The following KCNIP4 variants were observed in gnomAD, a reference collection of about 807,000 sequenced individuals.
KCNIP4 encodes Kv channel-interacting protein 4.
Under a neutral mutation model 34.0 loss-of-function variants are expected in KCNIP4, and 12 were observed. That is an observed-to-expected ratio of 0.35 (90% CI 0.23 to 0.57). The LOEUF is 0.57. Among genes scored for constraint, KCNIP4 ranks in the 20% least tolerant of loss-of-function variants. The probability of loss-of-function intolerance (pLI) is 0.83; values close to 1 mark genes in which losing one functional copy is unlikely to be tolerated. For synonymous variants in KCNIP4, 124 were observed against 102.2 expected (o/e 1.21, Z -1.29); for missense variants, 238 against 311.7 (o/e 0.76, Z 1.78).
chr4:20,872,968 C>T (rs1383892460), intron 2 of KCNIP4, among the ~76,000 whole-genome samples: 1 of 151,668 alleles, frequency 6.6e-6, no homozygotes, highest in Non-Finnish European at 1.5e-5. Context: ...ATGGCCTTCC[C>T]TCTATGTTCC....
rs114857302 is a variant in KCNIP4, at chr4:21,175,523, A to G, written c.62-292814T>C. ...ATACGATTTTTTTCCTTAACTAGAC[A>G]ACTTTCACCTTTTCACCCAAAGGAA... On this transcript the variant is annotated intron_variant, in intron 1 of 8. Transcript: ENST00000382152. Among the ~76,000 whole-genome samples, 895 of 152,296 alleles carry G rather than the reference A, an allele frequency of 5.9e-3. 15 individuals carry two copies. Among genetic ancestry groups the G allele is most frequent in the African/African-American group, 0.021 (855 of 41,566 alleles).
intron 1 of KCNIP4, among the ~76,000 whole-genome samples, chr4:21,937,956 G>C (rs1457017756): frequency 6.6e-6 from 1 of 152,074 alleles, no homozygotes; most frequent in African/African-American, 2.4e-5. Flanking sequence ...TCTATCAGTA[G>C]TTTTCATACT....
At chr4:21,070,991 A>C (rs1261349548) in intron 1 of KCNIP4, among the ~76,000 whole-genome samples, 1 of 152,000 alleles carries the variant, frequency 6.6e-6, no homozygotes, top group Non-Finnish European at 1.5e-5. Context: ...GTGAGTTTTT[A>C]AATACATTCT....
intron 1 of KCNIP4, among the ~76,000 whole-genome samples, chr4:20,979,039 T>A (rs1270407387): frequency 6.6e-6 from 1 of 152,154 alleles, no homozygotes; most frequent in Non-Finnish European, 1.5e-5. Context: ...TTTTTCAAAA[T>A]AAAAAGTTTA....
intron 1 of KCNIP4, among the ~76,000 whole-genome samples, chr4:21,118,423 T>A (rs1299080674): frequency 6.6e-6 from 1 of 152,190 alleles, no homozygotes; most frequent in Non-Finnish European, 1.5e-5. Context: ...ATGCTCCACT[T>A]CTAGGTAACC....
chr4:20,874,953 G>A (rs1022778520), intron 2 of KCNIP4, among the ~76,000 whole-genome samples: 2 of 152,148 alleles, frequency 1.3e-5, no homozygotes, highest in Non-Finnish European at 2.9e-5. Flanking sequence ...CACAAAAGGA[G>A]GAAATCTGTG....
In KCNIP4 at chr4:20,749,662, C is replaced by T. The variant is rs1753226859; in HGVS notation, c.429G>A (p.Glu143=). The T allele has an allele frequency of 6.3e-7, 1 of 1,596,604 alleles. No homozygotes were observed. Among genetic ancestry groups the T allele is most frequent in the African/African-American group, 1.3e-5 (1 of 74,530 alleles). The change falls in exon 5 of 9, where the codon GAG becomes GAA. Residue 143 remains glutamate, a splice_region_variant and synonymous_variant. Transcript: ENST00000382152. The part of the protein sequence containing the change: ...DTDHNGAVSF[E]DFIKGLSILL... ...GATATGAAAATAATCCAGAGCTTAC[C>T]TCGAAACTCACAGCTCCATTGTGGT... is the stretch of plus-strand genomic sequence containing the variant.
rs183590615 is a variant in KCNIP4, at chr4:21,677,896, T to C, written c.61+270675A>G. On this transcript the variant is annotated intron_variant, in intron 1 of 8. Transcript: ENST00000382152. Reference sequence around the variant, plus strand: ...TCCCAAGAAGCTGGGACTACAGCCATGAGTCACCACACCTGGCTAATTATT... The same window carrying C: ...TCCCAAGAAGCTGGGACTACAGCCACGAGTCACCACACCTGGCTAATTATT... 3.3e-5 allele frequency among the ~76,000 whole-genome samples: 5 copies of C among 152,230 alleles called. No homozygotes were observed. In the East Asian group the frequency reaches 7.8e-4, roughly 24 times the overall value.
chr4:21,801,984 G>T (rs892716948), intron 1 of KCNIP4, among the ~76,000 whole-genome samples: 5 of 151,792 alleles, frequency 3.3e-5, no homozygotes, highest in African/African-American at 4.8e-5. Context: ...AATAATTTTA[G>T]GTGGGGTGCA....
chr4:21,647,229 T>C lies in KCNIP4; in HGVS notation c.61+301342A>G, dbSNP rs115768676. On this transcript the variant is annotated intron_variant, in intron 1 of 8. Transcript: ENST00000382152. ...TATTTATTAACCTTACCAGAAAATA[T>C]AGTACATGCACATATACACATTTTT... Among the ~76,000 whole-genome samples the C allele has an allele frequency of 3.6e-3, 547 of 152,272 alleles. 3 individuals are homozygous for C. Among genetic ancestry groups the C allele is most frequent in the African/African-American group, 0.013 (523 of 41,558 alleles).
chr4:21,329,683 C>T (rs1715426592), intron 1 of KCNIP4, among the ~76,000 whole-genome samples: 1 of 152,122 alleles, frequency 6.6e-6, no homozygotes, highest in African/African-American at 2.4e-5. Context: ...GGAGGCGAGA[C>T]TCACATTAGG....
At chr4:20,848,271 A>G (rs1298019488) in intron 3 of KCNIP4, among the ~76,000 whole-genome samples, 1 of 151,898 alleles carries the variant, frequency 6.6e-6, no homozygotes, top group Non-Finnish European at 1.5e-5. Context: ...CAATAAAGAT[A>G]GAGAAGAGAA....
chr4:21,637,785 A>T (rs1230789219), intron 1 of KCNIP4, among the ~76,000 whole-genome samples: 5 of 17,718 alleles, frequency 2.8e-4, no homozygotes, highest in African/African-American at 2.1e-3. Flanking sequence ...GTCCGTCTCA[A>T]AAAAAAAAAA....
chr4:21,272,121 G>A (rs561670975), intron 1 of KCNIP4, among the ~76,000 whole-genome samples: 1 of 152,254 alleles, frequency 6.6e-6, no homozygotes, highest in South Asian at 2.1e-4. Context: ...CTCAAAGCTG[G>A]ACTGCTGGGT....
chr4:21,800,305 A>C (rs1169441893), intron 1 of KCNIP4, among the ~76,000 whole-genome samples: 1 of 152,192 alleles, frequency 6.6e-6, no homozygotes, highest in Non-Finnish European at 1.5e-5. Flanking sequence ...TTCAACTAAA[A>C]TAATAAGAGA....
chr4:21,042,557 C>A (rs1190357709), intron 1 of KCNIP4, among the ~76,000 whole-genome samples: 1 of 152,022 alleles, frequency 6.6e-6, no homozygotes, highest in Non-Finnish European at 1.5e-5. Flanking sequence ...AGATAGTAGG[C>A]ACTTGGTCAA....
At chr4:21,002,712 T>C (rs1738247420) in intron 1 of KCNIP4, among the ~76,000 whole-genome samples, 2 of 152,102 alleles carry the variant, frequency 1.3e-5, no homozygotes, top group African/African-American at 4.8e-5. Flanking sequence ...ACAAGTACTC[T>C]GGATGATTGC....
chr4:21,538,805 CT>C (rs1271404909), intron 1 of KCNIP4, among the ~76,000 whole-genome samples: 5 of 152,152 alleles, frequency 3.3e-5, no homozygotes, highest in African/African-American at 1.2e-4. Context: ...TGTGGCACGA[CT>C]GAAAACATAA....
In KCNIP4 at chr4:21,869,757, GATAGATAGATA is replaced by G. The variant is rs1424152956; in HGVS notation, c.61+78803_61+78813del. On this transcript the variant is annotated intron_variant, in intron 1 of 8. Transcript: ENST00000382152. ...AGATAGATAGATAGATAGATAGATAGATAGATAGATAGATAGATAGATAGATAGACAGACAG... is the reference window on the plus strand; with the variant it reads ...AGATAGATAGATAGATAGATAGATAGGATAGATAGATAGATAGACAGACAG... 8.3e-4 allele frequency among the ~76,000 whole-genome samples: 125 copies of G among 150,540 alleles called. 3 individuals carry two copies. In the South Asian group the frequency reaches 0.026, roughly 32 times the overall value.
Sources: allele counts gnomAD v4.1 joint callset (sites outside exome capture counted in the v4.1 genomes callset), GRCh38; gene constraint gnomAD v4.1.1; transcripts MANE v1.5; gene names NCBI Gene and HGNC (gene_info 2026-07-23, HGNC 2026-07-21).